The following TXNRD1 variants were observed in gnomAD, a reference collection of about 807,000 sequenced individuals.
The protein encoded by TXNRD1 is thioredoxin reductase 1, cytoplasmic.
TXNRD1 carries 57 observed loss-of-function variants against 80.3 expected under a neutral mutation model. The ratio of observed to expected loss-of-function variants is 0.71; its 90% confidence interval spans 0.57 to 0.89. TXNRD1 has a LOEUF of 0.89. Among genes scored for constraint, TXNRD1 ranks in the 40% least tolerant of loss-of-function variants. The pLI, the probability that TXNRD1 is intolerant of heterozygous loss-of-function variation, is 0.00. For missense variants in TXNRD1, 730 were observed against 803.0 expected (o/e 0.91, Z 1.10); for synonymous variants, 291 against 285.2 (o/e 1.02, Z -0.20).
Position 104,348,490 on chromosome 12 carries a change from A to T in TXNRD1, c.*69A>T. On this transcript the variant is annotated 3_prime_UTR_variant, in exon 17 of 17. Transcript: ENST00000525566. ...CGTTTCCGTGCCCAAATCCAAGGCGAAGTTTTCTAGAGGGTTCTTGGGCTC... is the reference window on the plus strand; with the variant it reads ...CGTTTCCGTGCCCAAATCCAAGGCGTAGTTTTCTAGAGGGTTCTTGGGCTC... 1 of 1,527,572 alleles carries T rather than the reference A, an allele frequency of 6.5e-7. No homozygotes were observed. The highest frequency in any genetic ancestry group is 9.1e-7 in the Non-Finnish European group (1 of 1,103,434). The allele number at this position is 1,527,572 out of a possible 1,614,324, so 94.6% of individuals were successfully genotyped here. A position where few individuals can be genotyped will look rare whatever the true frequency, so the allele number is the denominator to read the frequency against.
At chr12:104,249,850 G>A (rs1242681660) in intron 1 of TXNRD1, among the ~76,000 whole-genome samples, 4 of 150,736 alleles carry the variant, frequency 2.7e-5, no homozygotes, top group Non-Finnish European at 4.4e-5. Flanking sequence ...CAAGAGAATG[G>A]CGTGAACCCG....
intron 3 of TXNRD1, 65 bp downstream of exon 3, chr12:104,258,144 C>A: frequency 8.0e-7 from 1 of 1,252,648 alleles, no homozygotes; most frequent in Non-Finnish European, 1.1e-6. Flanking sequence ...TTTATTCTAT[C>A]TGGCTTTAAT....
intron 3 of TXNRD1, among the ~76,000 whole-genome samples, chr12:104,262,790 T>C (rs74693750): frequency 1.3e-5 from 2 of 149,290 alleles, no homozygotes; most frequent in East Asian, 2.0e-4. Flanking sequence ...TTTTTTTTTC[T>C]TTTTTTTCCC....
Position 104,348,620 on chromosome 12 carries a change from A to G in TXNRD1, c.*199A>G. The G allele has an allele frequency of 1.8e-6, 1 of 563,054 alleles. No homozygotes were observed. Among genetic ancestry groups the G allele is most frequent in the South Asian group, 2.2e-5 (1 of 44,742 alleles). The allele number at this position is 563,054 out of a possible 1,614,324, so 34.9% of individuals were successfully genotyped here. ...AGGCAGCATCACACTGGGGTCACTG[A>G]CAGACTTGAAGCTGACATTTGGCAG... On this transcript the variant is annotated 3_prime_UTR_variant, in exon 17 of 17. Coordinates refer to ENST00000525566, the MANE Select transcript of TXNRD1 (RefSeq NM_001093771.3).
intron 3 of TXNRD1, among the ~76,000 whole-genome samples, chr12:104,279,555 CAG>C (rs977150981): frequency 6.6e-6 from 1 of 152,134 alleles, no homozygotes; most frequent in African/African-American, 2.4e-5. Flanking sequence ...GATGAAGAAG[CAG>C]AGAGGCTTAG....
rs748738280 is a variant in TXNRD1, at chr12:104,311,258, A to G, written c.415-32A>G. 7 of 1,532,196 alleles carry G rather than the reference A, an allele frequency of 4.6e-6. No homozygotes were observed. The African/African-American group carries it at 9.7e-5, about 21-fold the overall frequency. 94.9% of individuals were successfully genotyped at this position (1,532,196 alleles called of 1,614,324 possible). A position where few individuals can be genotyped will look rare whatever the true frequency, so the allele number is the denominator to read the frequency against. On this transcript the variant is annotated intron_variant, in intron 4 of 16. Coordinates refer to ENST00000525566, the MANE Select transcript of TXNRD1 (RefSeq NM_001093771.3). Reference sequence around the variant, plus strand: ...TTTTGGACATTGCTGATTTTAAGTTAAATTATTTTCTCTTCTGTTATTTTT... The same window carrying G: ...TTTTGGACATTGCTGATTTTAAGTTGAATTATTTTCTCTTCTGTTATTTTT...
chr12:104,346,315 T>C (rs1433247609), intron 16 of TXNRD1, among the ~76,000 whole-genome samples: 1 of 152,182 alleles, frequency 6.6e-6, no homozygotes, highest in Non-Finnish European at 1.5e-5. Flanking sequence ...GCCTGGCCAG[T>C]TTTTTATTTA....
intron 16 of TXNRD1, among the ~76,000 whole-genome samples, chr12:104,346,336 C>T (rs188870797): frequency 3.9e-5 from 6 of 152,258 alleles, no homozygotes; most frequent in Admixed American, 2.6e-4. Flanking sequence ...GACTGATCAA[C>T]GATGGCAGTT....
intron 1 of TXNRD1, among the ~76,000 whole-genome samples, chr12:104,243,443 G>A (rs751571108): frequency 2.5e-4 from 38 of 152,264 alleles, no homozygotes; most frequent in Non-Finnish European, 4.9e-4. Context: ...CTCTTATGGA[G>A]TAACTTCTTT....
intron 4 of TXNRD1, among the ~76,000 whole-genome samples, chr12:104,307,384 C>T (rs2034960802): frequency 6.6e-6 from 1 of 152,178 alleles, no homozygotes; most frequent in African/African-American, 2.4e-5. Context: ...TAAATACATT[C>T]CAGCACTTCT....
intron 4 of TXNRD1, among the ~76,000 whole-genome samples, chr12:104,296,634 A>C (rs73396451): frequency 0.015 from 2,228 of 152,252 alleles, 59 homozygotes; most frequent in African/African-American, 0.051. Context: ...GCTTAGGCTT[A>C]TTTTTTAATA....
intron 1 of TXNRD1, among the ~76,000 whole-genome samples, chr12:104,226,817 G>T (rs768561462): frequency 2.0e-5 from 3 of 152,054 alleles, no homozygotes; most frequent in African/African-American, 4.8e-5. Flanking sequence ...TAGCATTTTT[G>T]GATTCCACAA....
chr12:104,215,969 G>A, intron 1 of TXNRD1, 76 bp downstream of exon 1: 1 of 1,274,016 alleles, frequency 7.8e-7, no homozygotes, highest in African/African-American at 1.5e-5. Flanking sequence ...TGGGGATAAA[G>A]TGCCCCGGAG....
intron 7 of TXNRD1, 61 bp downstream of exon 7, chr12:104,315,957 G>A (rs760235159): frequency 1.1e-4 from 165 of 1,538,928 alleles, no homozygotes; most frequent in Non-Finnish European, 1.3e-4. Context: ...TGCAATTTTT[G>A]TGATGCGTCG....
chr12:104,347,001 A>G (rs1376986386), intron 16 of TXNRD1, among the ~76,000 whole-genome samples: 1 of 152,172 alleles, frequency 6.6e-6, no homozygotes, highest in Admixed American at 6.5e-5. Flanking sequence ...AGGCTGAGGC[A>G]GGAGAATCGC....
intron 3 of TXNRD1, among the ~76,000 whole-genome samples, chr12:104,259,257 T>A (rs933124854): frequency 3.4e-4 from 51 of 151,332 alleles, no homozygotes; most frequent in Admixed American, 2.6e-4. Context: ...GGTGTGCACC[T>A]GTAGTCCCAG....
At chr12:104,272,122 T>G (rs2033663726) in intron 3 of TXNRD1, among the ~76,000 whole-genome samples, 1 of 152,026 alleles carries the variant, frequency 6.6e-6, no homozygotes, top group South Asian at 2.1e-4. Context: ...GAATATAAAG[T>G]TTTCTTTTGA....
At chr12:104,229,562 C>CATTTTATTTTATTTT (rs201478909) in intron 1 of TXNRD1, among the ~76,000 whole-genome samples, 9,171 of 141,916 alleles carry the variant, frequency 0.065, 417 homozygotes, top group Middle Eastern at 0.13. Context: ...GAATATACAA[C>CATTTTATTTTATTTT]ATTTTATTTT....
chr12:104,299,383 C>A (rs567672779), intron 4 of TXNRD1, among the ~76,000 whole-genome samples: 3 of 151,488 alleles, frequency 2.0e-5, no homozygotes, highest in Admixed American at 1.3e-4. Context: ...AAAAAAAATA[C>A]AGATATCTGT....
Sources: allele counts gnomAD v4.1 joint callset (sites outside exome capture counted in the v4.1 genomes callset), GRCh38; gene constraint gnomAD v4.1.1; transcripts MANE v1.5; gene names NCBI Gene and HGNC (gene_info 2026-07-23, HGNC 2026-07-21).